TEF: variants seen among roughly 807,000 people sequenced by gnomAD.
TEF encodes thyrotroph embryonic factor.
Under a neutral mutation model 20.8 loss-of-function variants are expected in TEF, and 3 were observed. That is an observed-to-expected ratio of 0.14 (90% CI 0.07 to 0.37). The LOEUF is 0.37. Among genes scored for constraint, TEF ranks in the 10% least tolerant of loss-of-function variants. The pLI, the probability that TEF is intolerant of heterozygous loss-of-function variation, is 1.00. For synonymous variants in TEF, 180 were observed against 171.1 expected (o/e 1.05, Z -0.41); for missense variants, 296 against 397.9 (o/e 0.74, Z 2.18).
intron 1 of TEF, among the ~76,000 whole-genome samples, chr22:41,369,445 TGA>T (rs1014453163): frequency 6.6e-6 from 1 of 151,872 alleles, no homozygotes; most frequent in African/African-American, 2.4e-5. Context: ...GGCATCTCAC[TGA>T]GAGTGAGAAG....
intron 1 of TEF, chr22:41,382,792 G>T (rs759474199): frequency 4.8e-6 from 2 of 414,848 alleles, no homozygotes; most frequent in East Asian, 7.2e-5. Flanking sequence ...TGGGGGGGGT[G>T]TGGGCGAGTA....
chr22:41,369,157 T>C (rs1283058802), intron 1 of TEF: 5 of 985,242 alleles, frequency 5.1e-6, no homozygotes, highest in African/African-American at 1.7e-5. Context: ...CTCGGGGCAC[T>C]GCTCCTCAGA....
intron 1 of TEF, chr22:41,369,784 G>A (rs1048955668): frequency 4.4e-6 from 2 of 456,096 alleles, no homozygotes; most frequent in African/African-American, 2.1e-5. Context: ...GTGTGAATTG[G>A]AGAAAGACAA....
At chr22:41,371,391 C>T (rs571486345) in intron 1 of TEF, among the ~76,000 whole-genome samples, 1 of 152,318 alleles carries the variant, frequency 6.6e-6, no homozygotes, top group Admixed American at 6.5e-5. Flanking sequence ...GATCTAGAAT[C>T]CTTTCTAGGC....
chr22:41,387,312 C>T (rs750590884), intron 1 of TEF, 39 bp from the exon 2 acceptor site: 7 of 1,607,910 alleles, frequency 4.4e-6, no homozygotes, highest in Non-Finnish European at 6.0e-6. Flanking sequence ...TTGAGTTACT[C>T]TCCTGTGTGG....
chr22:41,369,693 G>C (rs1056042047), intron 1 of TEF, among the ~76,000 whole-genome samples: 4 of 152,208 alleles, frequency 2.6e-5, no homozygotes, highest in African/African-American at 9.6e-5. Context: ...AATGATTACA[G>C]AATTACTTGC....
chr22:41,395,641 C>T, intron 3 of TEF, 104 bp from the exon 4 acceptor site: 1 of 1,172,646 alleles, frequency 8.5e-7, no homozygotes, highest in Non-Finnish European at 1.2e-6. Flanking sequence ...TGCTTTAGCT[C>T]TGGCCACACC....
rs2037226638 is a variant in TEF at position 41,396,245 on chromosome 22, G to T, written c.*285G>T. On this transcript the variant is annotated 3_prime_UTR_variant, in exon 4 of 4. Transcript: ENST00000266304. Reference sequence around the variant, plus strand: ...TTGGATGTCCCAGTTGAATCAGAAGGGGACCTCTGGAGTACACACCTCTCT... The same window carrying T: ...TTGGATGTCCCAGTTGAATCAGAAGTGGACCTCTGGAGTACACACCTCTCT... 1 of 395,136 alleles carries T rather than the reference G, an allele frequency of 2.5e-6. No homozygotes were observed. The highest frequency in any genetic ancestry group is 4.7e-6 in the Non-Finnish European group (1 of 212,330). The allele number at this position is 395,136 out of a possible 1,614,324, so 24.5% of individuals were successfully genotyped here. A position where few individuals can be genotyped will look rare whatever the true frequency, so the allele number is the denominator to read the frequency against.
chr22:41,372,585 T>C (rs969922145), intron 1 of TEF, among the ~76,000 whole-genome samples: 3 of 151,816 alleles, frequency 2.0e-5, no homozygotes, highest in African/African-American at 7.3e-5. Context: ...TGTCTACCCA[T>C]AGGGTGGGTA....
Position 41,381,979 on chromosome 22 carries a change from A to T in TEF, c.-66A>T, listed in dbSNP as rs1485335401. The T allele has an allele frequency of 8.1e-7, 1 of 1,227,562 alleles. No individual in the cohort carries two copies. Among genetic ancestry groups the T allele is most frequent in the East Asian group, 3.2e-5 (1 of 31,464 alleles). 76.0% of individuals were successfully genotyped at this position (1,227,562 alleles called of 1,614,324 possible). On this transcript the variant is annotated 5_prime_UTR_variant, in exon 1 of 4. Coordinates refer to ENST00000266304, the MANE Select transcript of TEF (RefSeq NM_003216.4). ...CGTGTCGGCAGCTGCAGCGGGTCGC[A>T]CGGCTCCGGCCCATCTCGGGGGGCG...
chr22:41,380,871 T>C (rs1361810677), upstream of TEF, among the ~76,000 whole-genome samples: 1 of 152,206 alleles, frequency 6.6e-6, no homozygotes, highest in Non-Finnish European at 1.5e-5. Flanking sequence ...TTTTGTTTTC[T>C]AGGTAAAAGA....
At chr22:41,382,276 C>A (rs1366980368) in intron 1 of TEF, 75 bp downstream of exon 1, 2 of 605,894 alleles carry the variant, frequency 3.3e-6, no homozygotes, top group East Asian at 1.2e-4. Context: ...AGGGCGGGGC[C>A]GGGGAGGCAG....
exon 1 of TEF, chr22:41,367,550 C>T (rs2145955240): frequency 2.6e-6 from 4 of 1,551,386 alleles, no homozygotes; most frequent in Middle Eastern, 1.7e-4. Flanking sequence ...TGCCTGAGGT[C>T]CTCAAGTCCC....
At chr22:41,392,167 C>T (rs1360472734) in intron 2 of TEF, among the ~76,000 whole-genome samples, 3 of 152,188 alleles carry the variant, frequency 2.0e-5, no homozygotes, top group East Asian at 3.8e-4. Context: ...TAACTCTTAT[C>T]TCTAATAACA....
At position 41,382,003 on chromosome 22, in the gene TEF, C is replaced by CG. The variant is rs1569254545; in HGVS notation, c.-39dup. The stretch of plus-strand genomic sequence containing the variant: ...CACGGCTCCGGCCCATCTCGGGGGG[C>CG]GGGCGGGGGAGGCGAGGTGCGCGAG... On this transcript the variant is annotated 5_prime_UTR_variant, in exon 1 of 4. Coordinates refer to ENST00000266304, the MANE Select transcript of TEF (RefSeq NM_003216.4). The CG allele has an allele frequency of 8.2e-7, 1 of 1,225,030 alleles. No individual in the cohort carries two copies. The highest frequency in any genetic ancestry group is 1.6e-5 in the African/African-American group (1 of 62,696). The allele number at this position is 1,225,030 out of a possible 1,614,324, so 75.9% of individuals were successfully genotyped here. A position where few individuals can be genotyped will look rare whatever the true frequency, so the allele number is the denominator to read the frequency against.
Position 41,396,195 on chromosome 22 carries a change from G to T in TEF, c.*235G>T, listed in dbSNP as rs1569259221. The stretch of plus-strand genomic sequence containing the variant: ...GAACGCAAGAGAATCTGCGTAGATG[G>T]GTGACTCAGCCTTAGTTTCTATTCT... On this transcript the variant is annotated 3_prime_UTR_variant, in exon 4 of 4. Transcript: ENST00000266304. 2 of 507,078 alleles carry T rather than the reference G, an allele frequency of 3.9e-6. No homozygotes were observed. The highest frequency in any genetic ancestry group is 4.9e-5 in the South Asian group (2 of 40,906). The allele number at this position is 507,078 out of a possible 1,614,324, so 31.4% of individuals were successfully genotyped here. A position where few individuals can be genotyped will look rare whatever the true frequency, so the allele number is the denominator to read the frequency against.
At chr22:41,372,129 C>T (rs6002357) in intron 1 of TEF, among the ~76,000 whole-genome samples, 12,144 of 152,172 alleles carry the variant, frequency 0.08, 1,548 homozygotes, top group African/African-American at 0.27. Flanking sequence ...TTAATCCTCA[C>T]TGCCTCTTTC....
rs2037258896 is a variant in TEF, at chr22:41,398,692, T to G, written c.*2732T>G. On this transcript the variant is annotated 3_prime_UTR_variant, in exon 4 of 4. Coordinates refer to ENST00000266304, the MANE Select transcript of TEF (RefSeq NM_003216.4). ...GGTTTTCCTGTCTGGCTTCTGAGGT[T>G]GGAGGGGGCACTTAGCAGTGAACCT... is the stretch of plus-strand genomic sequence containing the variant. 6.6e-6 allele frequency: 1 copy of G among 152,312 alleles called. No individual in the cohort carries two copies. Among genetic ancestry groups the G allele is most frequent in the Non-Finnish European group, 1.5e-5 (1 of 68,036 alleles). 9.4% of individuals were successfully genotyped at this position (152,312 alleles called of 1,614,324 possible). A position where few individuals can be genotyped will look rare whatever the true frequency, so the allele number is the denominator to read the frequency against.
intron 1 of TEF, among the ~76,000 whole-genome samples, chr22:41,376,316 A>C (rs2036941525): frequency 6.6e-6 from 1 of 152,144 alleles, no homozygotes; most frequent in South Asian, 2.1e-4. Context: ...GGCTCACCGC[A>C]ACTTCCGCCT....
Sources: gnomAD v4.1 joint callset for allele counts (sites outside exome capture counted in the v4.1 genomes callset) on GRCh38, gnomAD v4.1.1 for gene constraint, MANE v1.5 for transcripts, NCBI Gene and HGNC (gene_info 2026-07-23, HGNC 2026-07-21) for gene names.